MECOM: variants seen among roughly 807,000 people sequenced by gnomAD.
MECOM encodes the protein histone-lysine N-methyltransferase MECOM.
MECOM carries 13 observed loss-of-function variants against 116.3 expected under a neutral mutation model. That is an observed-to-expected ratio of 0.11 (90% CI 0.07 to 0.18). The LOEUF (loss-of-function observed/expected upper bound fraction) is 0.18, where lower values mean the gene tolerates loss of function less well. Ranked by LOEUF, MECOM falls within the 10% of genes least tolerant of loss-of-function variation. The probability of loss-of-function intolerance (pLI) is 1.00; values close to 1 mark genes in which losing one functional copy is unlikely to be tolerated. For missense variants in MECOM, 1,299 were observed against 1,509.0 expected (o/e 0.86, Z 2.31); for synonymous variants, 528 against 535.2 (o/e 0.99, Z 0.19).
In MECOM at chr3:169,222,009, T is replaced by A. The variant is rs572846224; in HGVS notation, c.376-78177A>T. On this transcript the variant is annotated intron_variant, in intron 2 of 16. Coordinates refer to ENST00000651503, the MANE Select transcript of MECOM (RefSeq NM_004991.4). ...TTATAGTTGCGCCATCATGTCACTA[T>A]TTAAATTTTAATTACTTAAAATTAT... Among the ~76,000 whole-genome samples, 29 of 152,260 alleles carry A rather than the reference T, an allele frequency of 1.9e-4. No individual in the cohort carries two copies. The South Asian group carries it at 4.6e-3, about 24-fold the overall frequency.
intron 2 of MECOM, among the ~76,000 whole-genome samples, chr3:169,339,495 C>G (rs1337318182): frequency 1.3e-5 from 2 of 152,206 alleles, no homozygotes; most frequent in Non-Finnish European, 2.9e-5. Context: ...GAAATAACCA[C>G]CTTACCTAGT....
intron 1 of MECOM, among the ~76,000 whole-genome samples, chr3:169,641,626 C>T (rs753109706): frequency 6.6e-6 from 1 of 152,126 alleles, no homozygotes; most frequent in Non-Finnish European, 1.5e-5. Context: ...AATATAAATG[C>T]CATTTTTTAG....
intron 2 of MECOM, among the ~76,000 whole-genome samples, chr3:169,243,705 C>G (rs1157220683): frequency 6.6e-6 from 1 of 152,080 alleles, no homozygotes; most frequent in Non-Finnish European, 1.5e-5. Context: ...GAAAATGAAC[C>G]TGCCAATATC....
intron 1 of MECOM, among the ~76,000 whole-genome samples, chr3:169,429,068 T>C (rs934821089): frequency 1.3e-5 from 2 of 152,164 alleles, no homozygotes; most frequent in African/African-American, 2.4e-5. Flanking sequence ...GCTAAGGATA[T>C]ACAAAAGATA....
intron 1 of MECOM, among the ~76,000 whole-genome samples, chr3:169,587,646 A>G (rs1765927125): frequency 6.6e-6 from 1 of 152,184 alleles, no homozygotes; most frequent in Non-Finnish European, 1.5e-5. Flanking sequence ...ATGCAAAGTA[A>G]TGCTAGAACC....
intron 2 of MECOM, among the ~76,000 whole-genome samples, chr3:169,207,482 T>A (rs771627297): frequency 1.3e-5 from 2 of 152,206 alleles, no homozygotes; most frequent in Non-Finnish European, 2.9e-5. Flanking sequence ...GAAAAGATCA[T>A]CTAAAATTTT....
At chr3:169,543,626 A>C (rs1760368949) in intron 1 of MECOM, among the ~76,000 whole-genome samples, 1 of 152,212 alleles carries the variant, frequency 6.6e-6, no homozygotes, top group Non-Finnish European at 1.5e-5. Context: ...AATTCCAGAC[A>C]AATAATAAAA....
intron 1 of MECOM, among the ~76,000 whole-genome samples, chr3:169,584,296 G>T (rs370427893): frequency 3.3e-4 from 50 of 152,084 alleles, no homozygotes; most frequent in South Asian, 1.0e-3. Flanking sequence ...CCGGGCGCGG[G>T]GGCTCACTCC....
At chr3:169,252,238 G>C (rs1756334084) in intron 2 of MECOM, among the ~76,000 whole-genome samples, 1 of 151,990 alleles carries the variant, frequency 6.6e-6, no homozygotes, top group Admixed American at 6.6e-5. Context: ...TACTAGCCTA[G>C]ATATCTTTGA....
At chr3:169,392,030 A>C (rs1279758123) in intron 1 of MECOM, among the ~76,000 whole-genome samples, 3 of 152,202 alleles carry the variant, frequency 2.0e-5, no homozygotes, top group Non-Finnish European at 2.9e-5. Context: ...TTTATTTACA[A>C]ACTGAGTCTA....
At chr3:169,147,512 T>G (rs1740272606) in intron 2 of MECOM, 1 of 985,428 alleles carries the variant, frequency 1.0e-6, no homozygotes. Flanking sequence ...ATTTTTAAAG[T>G]GACAGCAGCC....
chr3:169,262,059 A>G (rs972534634), intron 2 of MECOM, among the ~76,000 whole-genome samples: 12 of 152,194 alleles, frequency 7.9e-5, no homozygotes, highest in Admixed American at 1.3e-4. Context: ...CCACGCCCCA[A>G]TCTAGGAGCT....
chr3:169,355,321 T>C (rs1408449540), intron 2 of MECOM, among the ~76,000 whole-genome samples: 1 of 152,014 alleles, frequency 6.6e-6, no homozygotes, highest in East Asian at 1.9e-4. Context: ...TCATTGTATG[T>C]TAATGTCCTT....
intron 1 of MECOM, among the ~76,000 whole-genome samples, chr3:169,558,471 C>CT (rs952574311): frequency 1.3e-5 from 2 of 152,190 alleles, no homozygotes; most frequent in African/African-American, 4.8e-5. Context: ...CTATAAAACT[C>CT]TAAGTGCTCA....
chr3:169,346,394 A>G (rs1725358323), intron 2 of MECOM, among the ~76,000 whole-genome samples: 1 of 152,124 alleles, frequency 6.6e-6, no homozygotes, highest in South Asian at 2.1e-4. Flanking sequence ...AATTTTGAAA[A>G]TGTTGTTTCA....
chr3:169,354,767 C>G (rs1726960175), intron 2 of MECOM, among the ~76,000 whole-genome samples: 1 of 151,550 alleles, frequency 6.6e-6, no homozygotes, highest in Admixed American at 6.6e-5. Flanking sequence ...TTTGCATGGG[C>G]ATATGTTTGT....
chr3:169,364,867 T>A (rs1728894132), intron 2 of MECOM, among the ~76,000 whole-genome samples: 3 of 152,076 alleles, frequency 2.0e-5, no homozygotes, highest in African/African-American at 7.2e-5. Flanking sequence ...ACTGTTTTCC[T>A]TAATGGCATC....
chr3:169,154,859 T>C (rs905189623), intron 2 of MECOM, among the ~76,000 whole-genome samples: 1 of 152,198 alleles, frequency 6.6e-6, no homozygotes, highest in Admixed American at 6.5e-5. Context: ...ATCTTATCTA[T>C]ACTTCTAAAC....
intron 1 of MECOM, among the ~76,000 whole-genome samples, chr3:169,616,547 C>G (rs754626156): frequency 2.0e-5 from 3 of 152,086 alleles, no homozygotes; most frequent in Non-Finnish European, 4.4e-5. Flanking sequence ...GCCATGTTGG[C>G]GAGGCTAGTT....
Sources: gnomAD v4.1 joint callset for allele counts (sites outside exome capture counted in the v4.1 genomes callset) on GRCh38, gnomAD v4.1.1 for gene constraint, MANE v1.5 for transcripts, NCBI Gene and HGNC (gene_info 2026-07-23, HGNC 2026-07-21) for gene names.